BPIFC: variants seen among roughly 807,000 people sequenced by gnomAD.
The protein encoded by BPIFC is BPI fold-containing family C protein.
BPIFC carries 60 observed loss-of-function variants against 57.6 expected under a neutral mutation model. The observed-to-expected ratio is 1.04, with a 90% CI of 0.85 to 1.29. The LOEUF (loss-of-function observed/expected upper bound fraction) is 1.29. BPIFC is among the 50% of genes most tolerant of loss of function. The pLI, the probability that BPIFC is intolerant of heterozygous loss-of-function variation, is 0.00. For synonymous variants in BPIFC, 243 were observed against 224.5 expected (o/e 1.08, Z -0.74); for missense variants, 581 against 600.5 (o/e 0.97, Z 0.34).
chr22:32,418,576 A>C (rs550926619), intron 14 of BPIFC, among the ~76,000 whole-genome samples: 1 of 152,296 alleles, frequency 6.6e-6, no homozygotes, highest in South Asian at 2.1e-4. Flanking sequence ...CTAGTTGAGA[A>C]CCACTGCTTT....
At chr22:32,450,121 CACACACACACACACACACACAT>C (rs1339217365) in intron 4 of BPIFC, among the ~76,000 whole-genome samples, 53 of 90,198 alleles carry the variant, frequency 5.9e-4, no homozygotes, top group African/African-American at 3.0e-3. Context: ...CACACACACA[CACACACACACACACACACACAT>C]ATATACACAT....
chr22:32,459,338 G>A (rs1935109920), intron 2 of BPIFC, among the ~76,000 whole-genome samples: 1 of 152,128 alleles, frequency 6.6e-6, no homozygotes, highest in Non-Finnish European at 1.5e-5. Context: ...AGACCAGCCT[G>A]TGGAACATGG....
intron 15 of BPIFC, among the ~76,000 whole-genome samples, chr22:32,416,755 G>A (rs569574800): frequency 9.2e-5 from 14 of 152,302 alleles, no homozygotes; most frequent in Middle Eastern, 6.8e-3. Context: ...ATCCCGTAGG[G>A]AAAATAATCT....
In BPIFC at chr22:32,453,653, G is replaced by A. The variant is rs138282263; in HGVS notation, c.125-150C>T. The A allele has an allele frequency of 2.3e-4, 234 of 1,038,366 alleles. 1 individual carries two copies. The African/African-American group carries it at 3.6e-3, about 16-fold the overall frequency. The allele number at this position is 1,038,366 out of a possible 1,614,324, so 64.3% of individuals were successfully genotyped here. Reference sequence around the variant, plus strand: ...CCACAAAGTGGGTATTATTGTCTCTGGTTTACAGATGAAAACTCTGGTTCT... The same window carrying A: ...CCACAAAGTGGGTATTATTGTCTCTAGTTTACAGATGAAAACTCTGGTTCT... On this transcript the variant is annotated intron_variant, in intron 3 of 16. Coordinates refer to ENST00000300399, the MANE Select transcript of BPIFC (RefSeq NM_174932.3).
Position 32,453,365 on chromosome 22 carries a change from G to C in BPIFC, c.245+18C>G, listed in dbSNP as rs199690351. On this transcript the variant is annotated intron_variant, in intron 4 of 16. Transcript: ENST00000300399. Reference sequence around the variant, plus strand: ...TTGAGCTTCTTATAAGAGGCAAAATGCTCTTCTTTTTACTTACTTTGAAAA... The same window carrying C: ...TTGAGCTTCTTATAAGAGGCAAAATCCTCTTCTTTTTACTTACTTTGAAAA... The C allele has an allele frequency of 8.9e-5, 138 of 1,549,860 alleles. 5 individuals carry two copies. The South Asian group carries it at 1.6e-3, about 18-fold the overall frequency.
intron 4 of BPIFC, among the ~76,000 whole-genome samples, chr22:32,448,078 T>C (rs1158242529): frequency 6.6e-6 from 1 of 151,810 alleles, no homozygotes; most frequent in Non-Finnish European, 1.5e-5. Flanking sequence ...TTTTTTCTTT[T>C]TTTTTTTTGA....
At chr22:32,441,785 T>C (rs1021082343) in intron 8 of BPIFC, among the ~76,000 whole-genome samples, 5 of 152,162 alleles carry the variant, frequency 3.3e-5, no homozygotes, top group African/African-American at 1.2e-4. Flanking sequence ...GTCCTCAACC[T>C]TTTTAGCACC....
Position 32,464,417 on chromosome 22 carries a change from C to T in BPIFC, c.-132G>A. Reference sequence around the variant, plus strand: ...CCAAAGCTGGAGAGCACCTTCGATTCTCTCTGCCTTTGAAGCTGATGTGTT... The same window carrying T: ...CCAAAGCTGGAGAGCACCTTCGATTTTCTCTGCCTTTGAAGCTGATGTGTT... On this transcript the variant is annotated 5_prime_UTR_variant, in exon 1 of 17. Transcript: ENST00000300399. 2 of 985,370 alleles carry T rather than the reference C, an allele frequency of 2.0e-6. No homozygotes were observed. The highest frequency in any genetic ancestry group is 2.4e-6 in the Non-Finnish European group (2 of 829,920). 61.0% of individuals were successfully genotyped at this position (985,370 alleles called of 1,614,324 possible).
chr22:32,461,972 G>A (rs1935169149), intron 1 of BPIFC, among the ~76,000 whole-genome samples: 1 of 151,758 alleles, frequency 6.6e-6, no homozygotes. Flanking sequence ...AAGAGATCAA[G>A]GCCATCCTGG....
In BPIFC at chr22:32,457,555, ATCCG is replaced by A. The variant is rs946185240; in HGVS notation, c.1-173_1-170del. Among the ~76,000 whole-genome samples, 206 of 143,274 alleles carry A rather than the reference ATCCG, an allele frequency of 1.4e-3. 3 individuals carry two copies. In the South Asian group the frequency reaches 0.034, roughly 24 times the overall value. The allele number at this position is 143,274 out of a possible 152,430, so 94.0% of individuals were successfully genotyped here. A position where few individuals can be genotyped will look rare whatever the true frequency, so the allele number is the denominator to read the frequency against. On this transcript the variant is annotated intron_variant, in intron 2 of 16. Transcript: ENST00000300399. The stretch of plus-strand genomic sequence containing the variant: ...CATCCATCCATCCATCCAACCATCC[ATCCG>A]TCCATCCATCCATCCATCCATCCAT...
At chr22:32,434,729 G>A (rs985296553) in intron 10 of BPIFC, among the ~76,000 whole-genome samples, 6 of 152,082 alleles carry the variant, frequency 3.9e-5, no homozygotes, top group Admixed American at 1.3e-4. Context: ...TCTCAGTATC[G>A]TAAGATAGCC....
chr22:32,454,361 C>T lies in BPIFC; in HGVS notation c.125-858G>A, dbSNP rs552475478. Among the ~76,000 whole-genome samples the T allele has an allele frequency of 3.5e-4, 53 of 152,234 alleles. No individual in the cohort carries two copies. The Middle Eastern group carries it at 0.014, about 39-fold the overall frequency. ...GTGAGTCGTGTGTGCATATGTGTCT[C>T]GTTTTTGAAGGGAGAGAATCTACAT... On this transcript the variant is annotated intron_variant, in intron 3 of 16. Transcript: ENST00000300399.
intron 8 of BPIFC, 113 bp downstream of exon 8, chr22:32,442,558 T>C (rs370826686): frequency 1.9e-6 from 2 of 1,071,216 alleles, no homozygotes; most frequent in Non-Finnish European, 2.8e-6. Context: ...ATTTGCAGAA[T>C]ATGAAGCAGG....
intron 3 of BPIFC, among the ~76,000 whole-genome samples, chr22:32,454,595 C>G (rs1030019704): frequency 2.0e-5 from 3 of 152,194 alleles, no homozygotes; most frequent in African/African-American, 4.8e-5. Context: ...TACTTTCACC[C>G]TTTTCAAGGA....
intron 13 of BPIFC, among the ~76,000 whole-genome samples, chr22:32,420,491 C>G (rs148124751): frequency 3.3e-5 from 5 of 152,100 alleles, no homozygotes; most frequent in Non-Finnish European, 7.4e-5. Flanking sequence ...GCTGTTCAAT[C>G]GTTGCAGATA....
intron 10 of BPIFC, among the ~76,000 whole-genome samples, chr22:32,435,038 T>C (rs753478386): frequency 6.6e-6 from 1 of 152,232 alleles, no homozygotes; most frequent in Non-Finnish European, 1.5e-5. Context: ...ACTTATTCTG[T>C]GTTGGGGATT....
intron 2 of BPIFC, among the ~76,000 whole-genome samples, chr22:32,458,375 G>A (rs1018446132): frequency 3.9e-5 from 6 of 152,226 alleles, no homozygotes; most frequent in East Asian, 1.9e-4. Flanking sequence ...CTCAAATGTC[G>A]TCTCAGCAAA....
chr22:32,464,113 C>A (rs1935212738), intron 1 of BPIFC, among the ~76,000 whole-genome samples: 1 of 152,164 alleles, frequency 6.6e-6, no homozygotes, highest in African/African-American at 2.4e-5. Context: ...TGATGCAAAA[C>A]TAAGTAGGTG....
At chr22:32,424,398 G>A (rs929041999) in intron 13 of BPIFC, among the ~76,000 whole-genome samples, 1 of 151,770 alleles carries the variant, frequency 6.6e-6, no homozygotes, top group Non-Finnish European at 1.5e-5. Context: ...AGTGCTGTGT[G>A]TTTTTTTCTA....
Sources: gnomAD v4.1 joint callset for allele counts (sites outside exome capture counted in the v4.1 genomes callset) on GRCh38, gnomAD v4.1.1 for gene constraint, MANE v1.5 for transcripts, NCBI Gene and HGNC (gene_info 2026-07-23, HGNC 2026-07-21) for gene names.